The following MYOCOS variants were observed in gnomAD, a reference collection of about 807,000 sequenced individuals.
The protein encoded by MYOCOS is myocilin opposite strand, also known as myocilin opposite strand protein.
At chr1:171,617,978 T>C (rs73041916), upstream of MYOCOS, among the ~76,000 whole-genome samples, 12,043 of 152,078 alleles carry the variant, frequency 0.079, 1,570 homozygotes, top group African/African-American at 0.27. Flanking sequence ...GGTGGGTAGG[T>C]GTGGTGAATG....
At chr1:171,624,134 C>T (rs1319703930) in intron 2 of MYOCOS, among the ~76,000 whole-genome samples, 156 bp downstream of exon 2, 1 of 152,230 alleles carries the variant, frequency 6.6e-6, no homozygotes, top group Admixed American at 6.5e-5. Context: ...ACTGCTTTGT[C>T]ATCCATTGTG....
intron 1 of MYOCOS, among the ~76,000 whole-genome samples, chr1:171,614,025 C>G (rs1293696424): frequency 1.3e-5 from 2 of 152,170 alleles, no homozygotes; most frequent in Non-Finnish European, 2.9e-5. Flanking sequence ...ATTAGTAGTT[C>G]CCCTGAATCT....
chr1:171,610,869 G>A (rs1392828570), intron 1 of MYOCOS, among the ~76,000 whole-genome samples: 1 of 152,250 alleles, frequency 6.6e-6, no homozygotes, highest in Non-Finnish European at 1.5e-5. Flanking sequence ...CCCTCTGATA[G>A]TGGTGCTAGT....
chr1:171,613,549 T>TA, intron 1 of MYOCOS, among the ~76,000 whole-genome samples: 1 of 152,012 alleles, frequency 6.6e-6, no homozygotes, highest in East Asian at 1.9e-4. Flanking sequence ...GTGATGCATT[T>TA]TTTTTTTGTT....
intron 1 of MYOCOS, chr1:171,604,181 C>T (rs1652199026): frequency 1.3e-5 from 2 of 152,126 alleles, no homozygotes; most frequent in South Asian, 2.1e-4. Context: ...TCGCCAACCC[C>T]TGCAAAGTGA....
At chr1:171,624,008 GTGGGGT>G in intron 2 of MYOCOS, 30 bp downstream of exon 2, 1 of 398,604 alleles carries the variant, frequency 2.5e-6, no homozygotes, top group Non-Finnish European at 4.4e-6. Flanking sequence ...TGGATCGCTT[GTGGGGT>G]TGGGACGGAG....
At chr1:171,608,637 G>A (rs1652298790) in intron 1 of MYOCOS, among the ~76,000 whole-genome samples, 1 of 151,916 alleles carries the variant, frequency 6.6e-6, no homozygotes, top group South Asian at 2.1e-4. Context: ...TAGCCAGGAT[G>A]GTCTCGATCT....
chr1:171,621,107 T>C (rs902851021), upstream of MYOCOS, among the ~76,000 whole-genome samples: 1 of 152,070 alleles, frequency 6.6e-6, no homozygotes, highest in African/African-American at 2.4e-5. Flanking sequence ...TGATGTCTCA[T>C]GCCTCTCTAA....
At chr1:171,606,671 T>A (rs1223115840) in intron 1 of MYOCOS, among the ~76,000 whole-genome samples, 2 of 152,194 alleles carry the variant, frequency 1.3e-5, no homozygotes. Flanking sequence ...TCATGTGAAA[T>A]CTTCAGAGTT....
rs531773177 is a variant in MYOCOS, at chr1:171,612,802, C to T, written c.-251-1996C>T. ...CCAATATCGTGCCATTGCACTCCAA[C>T]CTGGGCGACAAGAGTGAAACTCCAT... On this transcript the variant is annotated intron_variant, in intron 1 of 3. Transcript: ENST00000636697. Among the ~76,000 whole-genome samples the T allele has an allele frequency of 2.8e-4, 42 of 152,264 alleles. No homozygotes were observed. The South Asian group carries it at 8.3e-3, about 30-fold the overall frequency.
At chr1:171,615,688 A>C (rs917455874) in intron 2 of MYOCOS, among the ~76,000 whole-genome samples, 1 of 152,212 alleles carries the variant, frequency 6.6e-6, no homozygotes, top group Non-Finnish European at 1.5e-5. Context: ...CCACCGGTGC[A>C]TGCAGCCCCT....
At chr1:171,613,933 GCAAT>G (rs1372203137) in intron 1 of MYOCOS, among the ~76,000 whole-genome samples, 1 of 152,122 alleles carries the variant, frequency 6.6e-6, no homozygotes, top group Non-Finnish European at 1.5e-5. Context: ...CACTTCACCT[GCAAT>G]GGCTGATTGG....
intron 1 of MYOCOS, among the ~76,000 whole-genome samples, chr1:171,612,336 C>A (rs910665054): frequency 6.6e-6 from 1 of 151,680 alleles, no homozygotes; most frequent in African/African-American, 2.4e-5. Flanking sequence ...GCCTAGGACT[C>A]CCAAAGTGCT....
At chr1:171,625,424 T>C (rs1042627513) in intron 2 of MYOCOS, among the ~76,000 whole-genome samples, 10 of 152,336 alleles carry the variant, frequency 6.6e-5, no homozygotes, top group African/African-American at 2.2e-4. Context: ...ATCTGGGTAA[T>C]CACCTTCTGT....
chr1:171,613,558 T>G (rs369103735), intron 1 of MYOCOS, among the ~76,000 whole-genome samples: 1 of 150,546 alleles, frequency 6.6e-6, no homozygotes, highest in African/African-American at 2.4e-5. Flanking sequence ...TTTTTTTTTG[T>G]TTTTGGCAAG....
intron 1 of MYOCOS, among the ~76,000 whole-genome samples, chr1:171,607,557 A>T (rs1370212802): frequency 6.6e-6 from 1 of 152,142 alleles, no homozygotes; most frequent in Non-Finnish European, 1.5e-5. Flanking sequence ...TGGTTCTCTA[A>T]AAAAAACGAT....
intron 1 of MYOCOS, among the ~76,000 whole-genome samples, chr1:171,611,324 G>A (rs1652348214): frequency 1.3e-5 from 2 of 152,154 alleles, no homozygotes; most frequent in African/African-American, 4.8e-5. Flanking sequence ...CTACCTGCTT[G>A]TTCCCTTAGG....
intron 2 of MYOCOS, among the ~76,000 whole-genome samples, chr1:171,625,797 G>A (rs1652681069): frequency 6.6e-6 from 1 of 152,170 alleles, no homozygotes; most frequent in South Asian, 2.1e-4. Flanking sequence ...TGTACAGAGA[G>A]CTGGCCAGTA....
At chr1:171,620,796 G>A (rs1214197068), upstream of MYOCOS, among the ~76,000 whole-genome samples, 4 of 120,822 alleles carry the variant, frequency 3.3e-5, no homozygotes, top group Non-Finnish European at 6.6e-5. Flanking sequence ...TTTTTGAGAC[G>A]GAGTCTCGTT....
Sources: allele counts gnomAD v4.1 joint callset (sites outside exome capture counted in the v4.1 genomes callset), GRCh38; gene constraint gnomAD v4.1.1; transcripts MANE v1.5; gene names NCBI Gene and HGNC (gene_info 2026-07-23, HGNC 2026-07-21).